UGP2: variants seen among roughly 807,000 people sequenced by gnomAD.
UGP2 encodes UTP--glucose-1-phosphate uridylyltransferase.
In UGP2, 40 loss-of-function variants were observed where a neutral mutation model predicts 49.0. That is an observed-to-expected ratio of 0.82 (90% CI 0.63 to 1.06). UGP2 has a LOEUF of 1.06. Ranked by LOEUF, UGP2 falls within the 50% of genes least tolerant of loss-of-function variation. The pLI, the probability that UGP2 is intolerant of heterozygous loss-of-function variation, is 0.00. For synonymous variants in UGP2, 225 were observed against 213.0 expected, an observed-to-expected ratio of 1.06 and a Z score of -0.49; for missense variants, 460 against 603.5, an observed-to-expected ratio of 0.76 and a Z score of 2.49.
rs1012014739 is a variant in UGP2, at chr2:63,891,404, CT to C, written c.*180del. 2.4e-6 allele frequency: 1 copy of C among 424,768 alleles called. No homozygotes were observed. The highest frequency in any genetic ancestry group is 2.0e-5 in the African/African-American group (1 of 48,862). The allele number at this position is 424,768 out of a possible 1,614,324, so 26.3% of individuals were successfully genotyped here. A position where few individuals can be genotyped will look rare whatever the true frequency, so the allele number is the denominator to read the frequency against. On this transcript the variant is annotated 3_prime_UTR_variant, in exon 10 of 10. Transcript: ENST00000337130. ...TAAGAAAAGCACAGATGGAGCAATA[CT>C]TTCCTTCTTTGAAGAGAATCCCAAA...
At chr2:63,888,080 T>G (rs983606192) in intron 8 of UGP2, 1 of 159,124 alleles carries the variant, frequency 6.3e-6, no homozygotes, top group Non-Finnish European at 1.4e-5. Flanking sequence ...TAAGTAAATG[T>G]ATGATATACC....
At chr2:63,842,412 G>T in intron 1 of UGP2, 2 of 1,577,046 alleles carry the variant, frequency 1.3e-6, no homozygotes, top group South Asian at 2.2e-5. Flanking sequence ...ACCCTGCTGG[G>T]TTTAGTTTTG....
intron 3 of UGP2, among the ~76,000 whole-genome samples, chr2:63,873,692 T>TGTTC (rs1670718853): frequency 6.6e-6 from 1 of 152,070 alleles, no homozygotes; most frequent in Non-Finnish European, 1.5e-5. Context: ...CAATGCTCCA[T>TGTTC]GTTCCTGGAG....
At chr2:63,870,481 T>G (rs773911985) in intron 3 of UGP2, among the ~76,000 whole-genome samples, 7 of 152,248 alleles carry the variant, frequency 4.6e-5, no homozygotes, top group Non-Finnish European at 8.8e-5. Context: ...GTTTTCTATT[T>G]AGGTTTTCTT....
At chr2:63,878,149 A>T (rs1247927907) in intron 3 of UGP2, among the ~76,000 whole-genome samples, 1 of 151,316 alleles carries the variant, frequency 6.6e-6, no homozygotes, top group African/African-American at 2.4e-5. Flanking sequence ...TTTTGGGACT[A>T]TTTTTTTGTG....
At position 63,877,999 on chromosome 2, in the gene UGP2, C is replaced by CAA. The variant is rs61669991; in HGVS notation, c.256-4438_256-4437dup. 1.9e-3 allele frequency among the ~76,000 whole-genome samples: 132 copies of CAA among 67,908 alleles called. 6 individuals are homozygous for CAA. Among genetic ancestry groups the CAA allele is most frequent in the Admixed American group, 3.4e-3 (17 of 5,002 alleles). 44.6% of individuals were successfully genotyped at this position (67,908 alleles called of 152,430 possible). A position where few individuals can be genotyped will look rare whatever the true frequency, so the allele number is the denominator to read the frequency against. ...TGGGCGACAGAGCGAGACTCCGTCT[C>CAA]AAAAAAAAAAAAAAAAAAAAAAAAA... On this transcript the variant is annotated intron_variant, in intron 3 of 9. Transcript: ENST00000337130.
At chr2:63,843,795 A>C (rs985496112) in intron 1 of UGP2, among the ~76,000 whole-genome samples, 1 of 152,266 alleles carries the variant, frequency 6.6e-6, no homozygotes, top group Non-Finnish European at 1.5e-5. Context: ...CATTACTGTT[A>C]ACTAAAGGCT....
chr2:63,852,521 G>A (rs911079983), intron 1 of UGP2, among the ~76,000 whole-genome samples: 7 of 152,194 alleles, frequency 4.6e-5, no homozygotes, highest in African/African-American at 1.4e-4. Flanking sequence ...GACATGCCTG[G>A]ATAAGGAATT....
intron 8 of UGP2, 134 bp from the exon 9 acceptor site, chr2:63,889,947 G>A (rs1294725984): frequency 4.6e-6 from 3 of 653,508 alleles, no homozygotes; most frequent in Middle Eastern, 8.2e-4. Flanking sequence ...TTAATAAGTA[G>A]GTGCTTCCCA....
At chr2:63,858,392 A>G (rs183871695) in intron 3 of UGP2, among the ~76,000 whole-genome samples, 2 of 152,316 alleles carry the variant, frequency 1.3e-5, no homozygotes, top group Non-Finnish European at 2.9e-5. Context: ...GCTTAAGCTA[A>G]TGAATCTCTC....
chr2:63,890,617 A>C (rs889452273), intron 9 of UGP2, among the ~76,000 whole-genome samples: 2 of 152,206 alleles, frequency 1.3e-5, no homozygotes, highest in Admixed American at 1.3e-4. Flanking sequence ...TAGATTTCAT[A>C]TACTCCTCCC....
chr2:63,862,054 A>C (rs1255065914), intron 3 of UGP2, among the ~76,000 whole-genome samples: 1 of 152,008 alleles, frequency 6.6e-6, no homozygotes, highest in Admixed American at 6.6e-5. Flanking sequence ...AAAGAAAAAA[A>C]TCTTGAGGCA....
intron 1 of UGP2, among the ~76,000 whole-genome samples, chr2:63,849,951 A>G (rs189242693): frequency 5.0e-4 from 76 of 152,294 alleles, no homozygotes; most frequent in African/African-American, 1.8e-3. Context: ...TTGGCTTTTC[A>G]TCGTGATTTT....
Position 63,856,450 on chromosome 2 carries a change from A to G in UGP2, c.147+17A>G. ...GAATTTGAGGTAAGGAGGTTTCTACAGTGTTCCACCCCCCCGCCCCTCCCT... is the reference window on the plus strand; with the variant it reads ...GAATTTGAGGTAAGGAGGTTTCTACGGTGTTCCACCCCCCCGCCCCTCCCT... On this transcript the variant is annotated intron_variant, in intron 2 of 9. Coordinates refer to ENST00000337130, the MANE Select transcript of UGP2 (RefSeq NM_006759.4). The G allele has an allele frequency of 6.2e-7, 1 of 1,605,336 alleles. No homozygotes were observed. Among genetic ancestry groups the G allele is most frequent in the South Asian group, 1.1e-5 (1 of 90,568 alleles).
At chr2:63,884,954 G>A (rs996808762) in intron 5 of UGP2, among the ~76,000 whole-genome samples, 1 of 108,730 alleles carries the variant, frequency 9.2e-6, no homozygotes, top group Non-Finnish European at 1.9e-5. Context: ...TGTGTCATTA[G>A]TTTGTTTGGT....
intron 3 of UGP2, among the ~76,000 whole-genome samples, chr2:63,860,224 AG>A (rs1187367645): frequency 2.2e-4 from 34 of 152,244 alleles, no homozygotes. Context: ...TTCTCATGTC[AG>A]CCTTATATCA....
At chr2:63,853,624 A>T (rs912167682) in intron 1 of UGP2, among the ~76,000 whole-genome samples, 3 of 152,122 alleles carry the variant, frequency 2.0e-5, no homozygotes. Flanking sequence ...CCTGTGCATT[A>T]TGAAACTAGC....
intron 3 of UGP2, among the ~76,000 whole-genome samples, chr2:63,865,081 C>G (rs1380955752): frequency 1.3e-5 from 2 of 152,194 alleles, no homozygotes; most frequent in African/African-American, 2.4e-5. Context: ...TCTGTAGTCA[C>G]TATGTGAGGC....
intron 1 of UGP2, chr2:63,855,661 C>T (rs1313220456): frequency 2.3e-6 from 1 of 439,872 alleles, no homozygotes; most frequent in Non-Finnish European, 4.5e-6. Flanking sequence ...CCTGCTTCAG[C>T]CTTCCAAGTA....
Sources: allele counts gnomAD v4.1 joint callset (sites outside exome capture counted in the v4.1 genomes callset), GRCh38; gene constraint gnomAD v4.1.1; transcripts MANE v1.5; gene names NCBI Gene and HGNC (gene_info 2026-07-23, HGNC 2026-07-21).